Variants in HSF2 observed in about 807,000 individuals in gnomAD.
The protein encoded by HSF2 is heat shock factor protein 2.
HSF2 carries 21 observed loss-of-function variants against 65.0 expected under a neutral mutation model. The observed-to-expected ratio is 0.32, with a 90% CI of 0.23 to 0.47. The LOEUF is 0.47. Ranked by LOEUF, HSF2 falls within the 20% of genes least tolerant of loss-of-function variation. The pLI, the probability that HSF2 is intolerant of heterozygous loss-of-function variation, is 1.00. For missense variants in HSF2, 499 were observed against 628.1 expected, an observed-to-expected ratio of 0.79 and a Z score of 2.20; for synonymous variants, 225 against 219.1, an observed-to-expected ratio of 1.03 and a Z score of -0.24.
chr6:122,428,690 C>T (rs1436652906), intron 11 of HSF2, among the ~76,000 whole-genome samples: 1 of 151,886 alleles, frequency 6.6e-6, no homozygotes, highest in African/African-American at 2.4e-5. Context: ...ATTAGTGAAG[C>T]CAGAATTTTA....
At chr6:122,403,068 GAA>G (rs1268559787) in intron 1 of HSF2, among the ~76,000 whole-genome samples, 1 of 150,924 alleles carries the variant, frequency 6.6e-6, no homozygotes, top group Non-Finnish European at 1.5e-5. Flanking sequence ...TAAGGCAAGG[GAA>G]AAAAAACTCT....
chr6:122,401,158 A>C (rs1773721223), intron 1 of HSF2, among the ~76,000 whole-genome samples: 1 of 152,132 alleles, frequency 6.6e-6, no homozygotes, highest in African/African-American at 2.4e-5. Flanking sequence ...CTTGGAGTTG[A>C]GTAGGGGGGC....
Position 122,413,590 on chromosome 6 carries a change from T to C in HSF2, c.396T>C (p.Ser132=), listed in dbSNP as rs372711104. 48 of 1,600,400 alleles carry C rather than the reference T, an allele frequency of 3.0e-5. 1 individual carries two copies. Among genetic ancestry groups the C allele is most frequent in the Non-Finnish European group, 4.1e-5 (48 of 1,168,110 alleles). Residue 132 remains serine, a synonymous_variant, in exon 4 of 13, where the codon AGT becomes AGC. Coordinates refer to ENST00000368455, the MANE Select transcript of HSF2 (RefSeq NM_004506.4). ...AAGATTTAACAAAAATTATAAGTAGTGCTCAGAAGGTTCAGATAAAACAGG... is the reference window on the plus strand; with the variant it reads ...AAGATTTAACAAAAATTATAAGTAGCGCTCAGAAGGTTCAGATAAAACAGG... The part of the protein sequence containing the change: ...RQEDLTKIIS[S]AQKVQIKQET...
intron 1 of HSF2, among the ~76,000 whole-genome samples, chr6:122,411,955 T>C (rs1312245879): frequency 6.6e-6 from 1 of 152,010 alleles, no homozygotes; most frequent in Non-Finnish European, 1.5e-5. Context: ...CAATTATGTC[T>C]ACTATGTCTA....
intron 2 of HSF2, 74 bp from the exon 3 acceptor site, chr6:122,412,563 A>G: frequency 6.4e-7 from 1 of 1,571,992 alleles, no homozygotes; most frequent in Non-Finnish European, 8.7e-7. Context: ...GTGGTAAAGG[A>G]AAATTATTCC....
chr6:122,428,409 C>T (rs191207965), intron 11 of HSF2, among the ~76,000 whole-genome samples: 12 of 151,632 alleles, frequency 7.9e-5, no homozygotes, highest in African/African-American at 2.2e-4. Flanking sequence ...GAAGTTGAAA[C>T]GTATGAATAT....
At chr6:122,408,214 C>T (rs1773911011) in intron 1 of HSF2, among the ~76,000 whole-genome samples, 1 of 151,952 alleles carries the variant, frequency 6.6e-6, no homozygotes, top group South Asian at 2.1e-4. Flanking sequence ...TGCCTGTCTT[C>T]TGCTGTCTTA....
At chr6:122,405,615 C>T (rs144107065) in intron 1 of HSF2, among the ~76,000 whole-genome samples, 1 of 152,184 alleles carries the variant, frequency 6.6e-6, no homozygotes, top group Non-Finnish European at 1.5e-5. Flanking sequence ...TCTGGTGGAA[C>T]TTACTGGAAA....
intron 10 of HSF2, among the ~76,000 whole-genome samples, chr6:122,424,872 G>T (rs948067059): frequency 6.6e-6 from 1 of 151,960 alleles, no homozygotes; most frequent in African/African-American, 2.4e-5. Flanking sequence ...TCTTCAGCTA[G>T]GTCATTTTAA....
chr6:122,423,446 A>G, intron 9 of HSF2, 135 bp from the exon 10 acceptor site: 1 of 499,424 alleles, frequency 2.0e-6, no homozygotes, highest in Non-Finnish European at 3.5e-6. Flanking sequence ...CTAGAATAAG[A>G]TCTCTTAAGA....
intron 5 of HSF2, among the ~76,000 whole-genome samples, chr6:122,417,844 A>G (rs1329822863): frequency 1.3e-5 from 2 of 152,194 alleles, no homozygotes; most frequent in Non-Finnish European, 2.9e-5. Flanking sequence ...GAATTGTATC[A>G]TAGATATCTT....
chr6:122,404,991 A>G (rs1381569089), intron 1 of HSF2, among the ~76,000 whole-genome samples: 1 of 152,200 alleles, frequency 6.6e-6, no homozygotes, highest in Non-Finnish European at 1.5e-5. Flanking sequence ...CCAAAGATTA[A>G]TTTAGTCAGT....
chr6:122,407,636 TTCGA>T (rs1317073293), intron 1 of HSF2, among the ~76,000 whole-genome samples: 1 of 152,168 alleles, frequency 6.6e-6, no homozygotes, highest in Non-Finnish European at 1.5e-5. Flanking sequence ...ATTCTACATA[TTCGA>T]GTTTATGTTT....
At position 122,399,657 on chromosome 6, in the gene HSF2, C is replaced by T. The variant is rs898368884; in HGVS notation, c.-81C>T. On this transcript the variant is annotated 5_prime_UTR_variant, in exon 1 of 13. Coordinates refer to ENST00000368455, the MANE Select transcript of HSF2 (RefSeq NM_004506.4). ...GCTGCGCCTGCGTTGTGGGCGTTCT[C>T]GGGGAGCTGCTGCCGTAGCTGCCGC... The T allele has an allele frequency of 6.2e-4, 619 of 992,694 alleles. 2 individuals are homozygous for T. Among genetic ancestry groups the T allele is most frequent in the Non-Finnish European group, 8.5e-4 (561 of 662,578 alleles). 61.5% of individuals were successfully genotyped at this position (992,694 alleles called of 1,614,324 possible). A position where few individuals can be genotyped will look rare whatever the true frequency, so the allele number is the denominator to read the frequency against.
rs981143861 is a variant in HSF2, at chr6:122,412,292, G to T, written c.94-81G>T. On this transcript the variant is annotated intron_variant, in intron 1 of 12. Coordinates refer to ENST00000368455, the MANE Select transcript of HSF2 (RefSeq NM_004506.4). ...AGGAGGGACTGGACTACTCAAGACA[G>T]TTGTGGGATGTATAAATATATCACC... is the stretch of plus-strand genomic sequence containing the variant. The T allele has an allele frequency of 1.5e-5, 12 of 822,062 alleles. No individual in the cohort carries two copies. In the African/African-American group the frequency reaches 2.0e-4, roughly 14 times the overall value. 50.9% of individuals were successfully genotyped at this position (822,062 alleles called of 1,614,324 possible). A position where few individuals can be genotyped will look rare whatever the true frequency, so the allele number is the denominator to read the frequency against.
At chr6:122,420,046 CAT>C (rs1390959887) in intron 6 of HSF2, 87 bp from the exon 7 acceptor site, 2 of 1,248,660 alleles carry the variant, frequency 1.6e-6, no homozygotes, top group African/African-American at 3.1e-5. Flanking sequence ...AGTGAGTGTG[CAT>C]GTGTGTGTGT....
At chr6:122,405,877 C>T (rs974446147) in intron 1 of HSF2, among the ~76,000 whole-genome samples, 38 of 152,280 alleles carry the variant, frequency 2.5e-4, no homozygotes, top group African/African-American at 8.9e-4. Context: ...CTCTAAAAAA[C>T]TGTTTATGGG....
chr6:122,417,193 A>G (rs1774145865), intron 5 of HSF2, among the ~76,000 whole-genome samples: 1 of 151,710 alleles, frequency 6.6e-6, no homozygotes, highest in Non-Finnish European at 1.5e-5. Flanking sequence ...TGAATGTAGT[A>G]GAATTCAGTT....
In HSF2 at chr6:122,422,176, A is replaced by G. The variant is rs1265579001; in HGVS notation, c.708A>G (p.Leu236=). 8 of 1,606,392 alleles carry G rather than the reference A, an allele frequency of 5.0e-6. No homozygotes were observed. The highest frequency in any genetic ancestry group is 6.8e-6 in the Non-Finnish European group (8 of 1,174,920). ...TTCCACACAGTAGGACTGAAGGTTT[A>G]AAGCCAAGGGAGAGGATTTCAGATG... ...HKVPHSRTEG[L]KPRERISDDI... is the part of the protein sequence containing the mutation. The change falls in exon 8 of 13, where the codon TTA becomes TTG. Residue 236 remains leucine, a synonymous_variant. Coordinates refer to ENST00000368455, the MANE Select transcript of HSF2 (RefSeq NM_004506.4).
Sources: gnomAD v4.1 joint callset for allele counts (sites outside exome capture counted in the v4.1 genomes callset) on GRCh38, gnomAD v4.1.1 for gene constraint, MANE v1.5 for transcripts, NCBI Gene and HGNC (gene_info 2026-07-23, HGNC 2026-07-21) for gene names.